The following FRRS1L variants were observed in gnomAD, a reference collection of about 807,000 sequenced individuals.
The protein encoded by FRRS1L is ferric chelate reductase 1 like.
FRRS1L carries 22 observed loss-of-function variants against 28.6 expected under a neutral mutation model. The observed-to-expected ratio is 0.77, with a 90% confidence interval of 0.55 to 1.10. The LOEUF is 1.10. Ranked by LOEUF, FRRS1L falls within the 50% of genes least tolerant of loss-of-function variation. The probability of loss-of-function intolerance (pLI) is 0.00; values close to 1 mark genes in which losing one functional copy is unlikely to be tolerated. For synonymous variants in FRRS1L, 158 were observed against 151.4 expected, an observed-to-expected ratio of 1.04 and a Z score of -0.32; for missense variants, 380 against 386.9, an observed-to-expected ratio of 0.98 and a Z score of 0.15.
chr9:109,146,433 T>C (rs1831263355), intron 3 of FRRS1L, among the ~76,000 whole-genome samples: 1 of 152,076 alleles, frequency 6.6e-6, no homozygotes, highest in Non-Finnish European at 1.5e-5. Flanking sequence ...TCTAATGCTA[T>C]CTCCAGGTAG....
rs544465435 is a variant in FRRS1L at position 109,135,464 on chromosome 9, T to G, written c.*1991A>C. On this transcript the variant is annotated 3_prime_UTR_variant, in exon 5 of 5. Coordinates refer to ENST00000561981, the MANE Select transcript of FRRS1L (RefSeq NM_014334.4). ...TCTGAACATTTTATTTTACTTATTT[T>G]TTTGAGACAGGGTCTCCCTCTGTCA... 1 of 152,350 alleles carries G rather than the reference T, an allele frequency of 6.6e-6. No homozygotes were observed. The highest frequency in any genetic ancestry group is 1.5e-5 in the Non-Finnish European group (1 of 68,042). 9.4% of individuals were successfully genotyped at this position (152,350 alleles called of 1,614,324 possible).
chr9:109,137,554 G>A lies in FRRS1L; in HGVS notation c.783C>T (p.Asp261=), dbSNP rs200221527. 5.6e-6 allele frequency: 9 copies of A among 1,613,228 alleles called. No individual in the cohort carries two copies. Among genetic ancestry groups the A allele is most frequent in the African/African-American group, 1.3e-5 (1 of 75,012 alleles). ...GATAGGCAGCTGATGGCATAAAAAT[G>A]TCTTCATACTTGTAAATACTGACAA... is the stretch of plus-strand genomic sequence containing the variant. ...ERVVSIYKYE[D]IFMPSAAYQT... is the part of the protein sequence containing the mutation. The change falls in exon 5 of 5, where the codon GAC becomes GAT. Residue 261 remains aspartate (D), a synonymous_variant. Coordinates refer to ENST00000561981, the MANE Select transcript of FRRS1L (RefSeq NM_014334.4).
In FRRS1L at chr9:109,134,384, C is replaced by T. The variant is rs888063808; in HGVS notation, c.*3071G>A. 6.6e-6 allele frequency: 1 copy of T among 152,072 alleles called. No individual in the cohort carries two copies. The highest frequency in any genetic ancestry group is 6.5e-5 in the Admixed American group (1 of 15,272). The allele number at this position is 152,072 out of a possible 1,614,324, so 9.4% of individuals were successfully genotyped here. ...TGGGAGCATTTGATGGGGGCCTGGACCTATGTAGTCCAGAGATTTGGAGGA... is the reference window on the plus strand; with the variant it reads ...TGGGAGCATTTGATGGGGGCCTGGATCTATGTAGTCCAGAGATTTGGAGGA... On this transcript the variant is annotated 3_prime_UTR_variant, in exon 5 of 5. Transcript: ENST00000561981.
rs1831074858 is a variant in FRRS1L at position 109,133,129 on chromosome 9, A to C, written c.*4326T>G. 1 of 152,222 alleles carries C rather than the reference A, an allele frequency of 6.6e-6. No homozygotes were observed. Among genetic ancestry groups the C allele is most frequent in the African/African-American group, 2.4e-5 (1 of 41,454 alleles). The allele number at this position is 152,222 out of a possible 1,614,324, so 9.4% of individuals were successfully genotyped here. A position where few individuals can be genotyped will look rare whatever the true frequency, so the allele number is the denominator to read the frequency against. ...TAATTAAATACAGCTTCTGCATTCT[A>C]TCTGAAATCATGTTTATATATTCAC... On this transcript the variant is annotated 3_prime_UTR_variant, in exon 5 of 5. Coordinates refer to ENST00000561981, the MANE Select transcript of FRRS1L (RefSeq NM_014334.4).
chr9:109,147,739 G>A (rs13300840), intron 2 of FRRS1L: 1 of 152,520 alleles, frequency 6.6e-6, no homozygotes, highest in East Asian at 1.9e-4. Context: ...CAGATAATGG[G>A]GCTTTACTGA....
At chr9:109,166,755 C>G (rs1360163817) in intron 1 of FRRS1L, 146 bp downstream of exon 1, 1 of 429,100 alleles carries the variant, frequency 2.3e-6, no homozygotes, top group African/African-American at 2.1e-5. Flanking sequence ...GCTCCCCATC[C>G]TGGCCTCGCC....
At chr9:109,139,668 A>T (rs750035940) in intron 4 of FRRS1L, 2 of 152,216 alleles carry the variant, frequency 1.3e-5, no homozygotes, top group Non-Finnish European at 2.9e-5. Flanking sequence ...GATATAATTT[A>T]TTTCCCAGGG....
chr9:109,134,585 A>C lies in FRRS1L; in HGVS notation c.*2870T>G, dbSNP rs977815464. ...GGCAAAAGATGATATTGCAGGTCAC[A>C]GAAATGGCTTGCATTTTACCTTAAT... On this transcript the variant is annotated 3_prime_UTR_variant, in exon 5 of 5. Transcript: ENST00000561981. 3 of 152,244 alleles carry C rather than the reference A, an allele frequency of 2.0e-5. No homozygotes were observed. The highest frequency in any genetic ancestry group is 7.2e-5 in the African/African-American group (3 of 41,452). 9.4% of individuals were successfully genotyped at this position (152,244 alleles called of 1,614,324 possible).
intron 1 of FRRS1L, among the ~76,000 whole-genome samples, chr9:109,164,141 C>T (rs1163794545): frequency 2.0e-5 from 3 of 152,160 alleles, no homozygotes; most frequent in Non-Finnish European, 4.4e-5. Context: ...AGGGATGAAG[C>T]CTAGGCCCAG....
In FRRS1L at chr9:109,147,017, A is replaced by T. The variant is rs1219558129; in HGVS notation, c.462+34T>A. ...CAAAATAGCACAGCCAACTAAAGAGAAAAAATCAGCTTCTATCATGTTTTG... is the reference window on the plus strand; with the variant it reads ...CAAAATAGCACAGCCAACTAAAGAGTAAAAATCAGCTTCTATCATGTTTTG... On this transcript the variant is annotated intron_variant, in intron 3 of 4. Coordinates refer to ENST00000561981, the MANE Select transcript of FRRS1L (RefSeq NM_014334.4). 2.5e-6 allele frequency: 4 copies of T among 1,603,774 alleles called. No homozygotes were observed. The Admixed American group carries it at 6.7e-5, about 27-fold the overall frequency.
intron 1 of FRRS1L, among the ~76,000 whole-genome samples, chr9:109,166,631 A>G (rs1372404519): frequency 1.3e-5 from 2 of 151,858 alleles, no homozygotes; most frequent in Admixed American, 1.3e-4. Context: ...AGCCTTGCAG[A>G]ACTTGGATGA....
intron 1 of FRRS1L, among the ~76,000 whole-genome samples, chr9:109,157,853 G>A (rs1030327260): frequency 6.6e-5 from 10 of 152,028 alleles, no homozygotes; most frequent in African/African-American, 1.7e-4. Context: ...TATTTTGTCC[G>A]ATGTTACTGT....
rs934651234 is a variant in FRRS1L, at chr9:109,136,382, T to A, written c.*1073A>T. ...CTAACTGCTAAGAATTCCCTTTTTT[T>A]TTTTTTTTAATATCATTAACACAAC... On this transcript the variant is annotated 3_prime_UTR_variant, in exon 5 of 5. Transcript: ENST00000561981. The A allele has an allele frequency of 1.3e-5, 2 of 152,070 alleles. No homozygotes were observed. Among genetic ancestry groups the A allele is most frequent in the Admixed American group, 1.3e-4 (2 of 15,258 alleles). 9.4% of individuals were successfully genotyped at this position (152,070 alleles called of 1,614,324 possible).
At chr9:109,140,164 G>C (rs1831160790) in intron 4 of FRRS1L, 1 of 152,224 alleles carries the variant, frequency 6.6e-6, no homozygotes, top group Non-Finnish European at 1.5e-5. Context: ...TAGAAATGCA[G>C]AATCTTGCCA....
Position 109,141,609 on chromosome 9 carries a change from A to AG in FRRS1L, c.463-21dup. The stretch of plus-strand genomic sequence containing the variant: ...ACCACCCTAACATGAGAAATGATTG[A>AG]GAAAAAAAAAAGTCAAAGGTTCATC... On this transcript the variant is annotated intron_variant, in intron 3 of 4. Coordinates refer to ENST00000561981, the MANE Select transcript of FRRS1L (RefSeq NM_014334.4). 1.3e-6 allele frequency: 2 copies of AG among 1,585,206 alleles called. No individual in the cohort carries two copies. Among genetic ancestry groups the AG allele is most frequent in the East Asian group, 2.3e-5 (1 of 43,814 alleles).
chr9:109,147,098 C>T lies in FRRS1L; in HGVS notation c.415G>A (p.Asp139Asn). ...GADVEFELSA[D>N]TDGWVAVGFS... ...CCAACTGCTACCCAACCATCTGTGT[C>T]TGCACTCAGCTCAAATTCTACATCA... is the stretch of plus-strand genomic sequence containing the variant. The change falls in exon 3 of 5, where the codon GAC (aspartate) becomes AAC (asparagine). Residue 139 changes from aspartate (D) to asparagine (N), a missense_variant. Asp to Asn is a conservative substitution (Grantham distance 23, BLOSUM62 1). Transcript: ENST00000561981. The T allele has an allele frequency of 1.9e-6, 3 of 1,613,882 alleles. No homozygotes were observed. The highest frequency in any genetic ancestry group is 2.5e-6 in the Non-Finnish European group (3 of 1,179,726).
At chr9:109,137,863 C>T (rs555434410) in intron 4 of FRRS1L, 32 of 240,204 alleles carry the variant, frequency 1.3e-4, no homozygotes, top group African/African-American at 6.7e-4. Context: ...AATCTGCACT[C>T]CCCCATCAGA....
At chr9:109,156,728 A>C (rs1588102972) in intron 1 of FRRS1L, among the ~76,000 whole-genome samples, 1 of 123,536 alleles carries the variant, frequency 8.1e-6, no homozygotes, top group Non-Finnish European at 1.7e-5. Context: ...TTGCTGTCTC[A>C]CCCAGGCTGG....
At chr9:109,146,639 TATGCCTTGG>T (rs1831265708) in intron 3 of FRRS1L, among the ~76,000 whole-genome samples, 4 of 152,060 alleles carry the variant, frequency 2.6e-5, no homozygotes, top group Non-Finnish European at 5.9e-5. Flanking sequence ...ATGAAAAAAA[TATGCCTTGG>T]ATGACTAGTG....
Sources: gnomAD v4.1 joint callset for allele counts (sites outside exome capture counted in the v4.1 genomes callset) on GRCh38, gnomAD v4.1.1 for gene constraint, MANE v1.5 for transcripts, NCBI Gene and HGNC (gene_info 2026-07-23, HGNC 2026-07-21) for gene names.